Variants in PRTG observed in about 807,000 individuals in gnomAD.
PRTG encodes immunoglobulin superfamily, DCC subclass, member 5.
A neutral mutation model predicts 122.5 loss-of-function variants in PRTG; 67 were observed. The observed-to-expected ratio is 0.55, with a 90% CI of 0.45 to 0.67. The LOEUF (loss-of-function observed/expected upper bound fraction) is 0.67, where lower values mean the gene tolerates loss of function less well. Ranked by LOEUF, PRTG falls within the 30% of genes least tolerant of loss-of-function variation. PRTG has a pLI of 0.00. For missense variants in PRTG, 1,435 were observed against 1,415.4 expected (o/e 1.01, Z -0.22); for synonymous variants, 554 against 501.1 (o/e 1.11, Z -1.41).
intron 2 of PRTG, among the ~76,000 whole-genome samples, chr15:55,707,028 A>C (rs566193506): frequency 1.3e-5 from 2 of 152,308 alleles, no homozygotes; most frequent in South Asian, 4.1e-4. Flanking sequence ...CTTTACTTTA[A>C]AATTTGAGAA....
At position 55,624,597 on chromosome 15, in the gene PRTG, C is replaced by T. The variant is rs532491221; in HGVS notation, c.2928-90G>A. ...TGGCCTATCAACAAAACTTTGTAAG[C>T]AATGCAGTTCTTTAATACCCATTTC... On this transcript the variant is annotated intron_variant, in intron 17 of 19. Coordinates refer to ENST00000389286, the MANE Select transcript of PRTG (RefSeq NM_173814.6). The T allele has an allele frequency of 5.1e-5, 52 of 1,017,574 alleles. No individual in the cohort carries two copies. In the East Asian group the frequency reaches 1.3e-3, roughly 26 times the overall value. 63.0% of individuals were successfully genotyped at this position (1,017,574 alleles called of 1,614,324 possible). A position where few individuals can be genotyped will look rare whatever the true frequency, so the allele number is the denominator to read the frequency against.
chr15:55,657,643 T>C (rs1257408783), intron 11 of PRTG, among the ~76,000 whole-genome samples: 2 of 152,214 alleles, frequency 1.3e-5, no homozygotes, highest in Non-Finnish European at 2.9e-5. Flanking sequence ...CTTCTTCTGA[T>C]AATTAAAATA....
intron 2 of PRTG, among the ~76,000 whole-genome samples, chr15:55,723,581 A>G (rs1364731422): frequency 6.6e-6 from 1 of 152,020 alleles, no homozygotes; most frequent in Non-Finnish European, 1.5e-5. Context: ...CACCTACAAA[A>G]CTTGATGGAT....
Position 55,617,306 on chromosome 15 carries a change from T to C in PRTG, c.*2706A>G, listed in dbSNP as rs2059145908. 1 of 152,112 alleles carries C rather than the reference T, an allele frequency of 6.6e-6. No individual in the cohort carries two copies. The highest frequency in any genetic ancestry group is 6.6e-5 in the Admixed American group (1 of 15,256). The allele number at this position is 152,112 out of a possible 1,614,324, so 9.4% of individuals were successfully genotyped here. ...ACTGTATAGTTGAAGATTTACTTGCTGAAGAAAAAACTATACCTGAAATTC... is the reference window on the plus strand; with the variant it reads ...ACTGTATAGTTGAAGATTTACTTGCCGAAGAAAAAACTATACCTGAAATTC... On this transcript the variant is annotated 3_prime_UTR_variant, in exon 20 of 20. Transcript: ENST00000389286.
chr15:55,737,275 C>T (rs778778748), intron 2 of PRTG, among the ~76,000 whole-genome samples: 32 of 152,218 alleles, frequency 2.1e-4, no homozygotes, highest in African/African-American at 3.6e-4. Flanking sequence ...GCCGCTAACA[C>T]GGCTATTAAT....
intron 2 of PRTG, among the ~76,000 whole-genome samples, chr15:55,688,279 T>A (rs1462153060): frequency 6.6e-6 from 1 of 152,204 alleles, no homozygotes; most frequent in Non-Finnish European, 1.5e-5. Context: ...CTCCTTGTTC[T>A]CCTTTTATTG....
chr15:55,611,961 A>G lies in PRTG; in HGVS notation c.*8051T>C, dbSNP rs1312267703. The G allele has an allele frequency of 6.6e-6, 1 of 152,076 alleles. No individual in the cohort carries two copies. The highest frequency in any genetic ancestry group is 1.5e-5 in the Non-Finnish European group (1 of 67,966). 9.4% of individuals were successfully genotyped at this position (152,076 alleles called of 1,614,324 possible). ...TGAAAGGATCCAGAACACCCATAAT[A>G]CAAAATAATTTAACTGGCTCCCACA... On this transcript the variant is annotated 3_prime_UTR_variant, in exon 20 of 20. Coordinates refer to ENST00000389286, the MANE Select transcript of PRTG (RefSeq NM_173814.6).
In PRTG at chr15:55,641,166, T is replaced by C. The variant is rs768816887; in HGVS notation, c.2084A>G (p.Asn695Ser). 18 of 1,614,008 alleles carry C rather than the reference T, an allele frequency of 1.1e-5. 1 individual carries two copies. The South Asian group carries it at 1.8e-4, about 16-fold the overall frequency. The change falls in exon 12 of 20, where the codon AAC becomes AGC. Residue 695 changes from asparagine to serine, a missense_variant. Asn to Ser is a conservative substitution (Grantham distance 46). Coordinates refer to ENST00000389286, the MANE Select transcript of PRTG (RefSeq NM_173814.6). ...ATCTGCCTGATAGCCATCGTCTATG[T>C]TGTTGTAAGCCAGGAGTCTCACATG... ...KYHVRLLAYN[N>S]IDDGYQADQT...
At position 55,619,950 on chromosome 15, in the gene PRTG, C is replaced by A; in HGVS notation, c.*62G>T. ...GAAGTCTGCTCACTAACAGATGACACAGCAGGGTCTTCACACTTCCTCAAT... is the reference window on the plus strand; with the variant it reads ...GAAGTCTGCTCACTAACAGATGACAAAGCAGGGTCTTCACACTTCCTCAAT... On this transcript the variant is annotated 3_prime_UTR_variant, in exon 20 of 20. Coordinates refer to ENST00000389286, the MANE Select transcript of PRTG (RefSeq NM_173814.6). 6.3e-7 allele frequency: 1 copy of A among 1,595,014 alleles called. No homozygotes were observed. The highest frequency in any genetic ancestry group is 8.5e-7 in the Non-Finnish European group (1 of 1,170,560).
rs1555436919 is a variant in PRTG at position 55,723,755 on chromosome 15, T to TC, written c.397+16626_397+16627insG. Among the ~76,000 whole-genome samples the TC allele has an allele frequency of 1.2e-3, 166 of 142,664 alleles. 2 individuals carry two copies. The highest frequency in any genetic ancestry group is 5.6e-4 in the Non-Finnish European group (37 of 66,124). 93.6% of individuals were successfully genotyped at this position (142,664 alleles called of 152,430 possible). A position where few individuals can be genotyped will look rare whatever the true frequency, so the allele number is the denominator to read the frequency against. ...TAGCCATATTCTTTTCTTTTTTCTT[T>TC]TTTTTTTTTTTTTTGAGTTGGAGTC... On this transcript the variant is annotated intron_variant, in intron 2 of 19. Transcript: ENST00000389286.
In PRTG at chr15:55,743,040, C is replaced by G; in HGVS notation, c.-109G>C. On this transcript the variant is annotated 5_prime_UTR_variant, in exon 1 of 20. Transcript: ENST00000389286. ...GCGGCTGGTCGCACGCAGCCTGGCT[C>G]CCCGCTCCGGCTCCGGCACCGGCGT... 1 of 1,312,932 alleles carries G rather than the reference C, an allele frequency of 7.6e-7. No homozygotes were observed. The highest frequency in any genetic ancestry group is 9.7e-7 in the Non-Finnish European group (1 of 1,035,224). The allele number at this position is 1,312,932 out of a possible 1,614,324, so 81.3% of individuals were successfully genotyped here. A position where few individuals can be genotyped will look rare whatever the true frequency, so the allele number is the denominator to read the frequency against.
chr15:55,717,508 GA>G (rs1251685438), intron 2 of PRTG, among the ~76,000 whole-genome samples: 14 of 152,202 alleles, frequency 9.2e-5, no homozygotes, highest in Non-Finnish European at 1.5e-4. Context: ...TCCAAAGAAA[GA>G]AAGTTATGAC....
intron 8 of PRTG, among the ~76,000 whole-genome samples, chr15:55,676,598 C>G (rs1013545444): frequency 3.3e-5 from 5 of 152,176 alleles, no homozygotes; most frequent in Admixed American, 6.5e-5. Flanking sequence ...CATTTCACAA[C>G]AGACTGGCTA....
At chr15:55,699,294 C>T (rs1216039268) in intron 2 of PRTG, among the ~76,000 whole-genome samples, 1 of 151,990 alleles carries the variant, frequency 6.6e-6, no homozygotes, top group Non-Finnish European at 1.5e-5. Context: ...TATTTTCCCC[C>T]ACCTTTCCAC....
chr15:55,631,198 G>C lies in PRTG; in HGVS notation c.2624-2194C>G, dbSNP rs567085279. Among the ~76,000 whole-genome samples, 6 of 152,190 alleles carry C rather than the reference G, an allele frequency of 3.9e-5. No homozygotes were observed. In the East Asian group the frequency reaches 1.2e-3, roughly 29 times the overall value. On this transcript the variant is annotated intron_variant, in intron 15 of 19. Coordinates refer to ENST00000389286, the MANE Select transcript of PRTG (RefSeq NM_173814.6). ...TGACCCCTATTTAGAATCAGGAAGA[G>C]TCTTTCCACTGTTGCTATGTTTTTA...
chr15:55,724,239 G>A (rs1274585411), intron 2 of PRTG, among the ~76,000 whole-genome samples: 2 of 152,076 alleles, frequency 1.3e-5, no homozygotes, highest in Non-Finnish European at 2.9e-5. Flanking sequence ...TTGATCTTTT[G>A]CGTAGATGTT....
chr15:55,654,177 C>T (rs1245221169), intron 11 of PRTG, among the ~76,000 whole-genome samples: 1 of 152,168 alleles, frequency 6.6e-6, no homozygotes, highest in Non-Finnish European at 1.5e-5. Flanking sequence ...AGGAACCTCA[C>T]TGGCCCCATT....
In PRTG at chr15:55,624,352, A is replaced by G. The variant is rs367975903; in HGVS notation, c.3083T>C (p.Ile1028Thr). 8.4e-5 allele frequency: 136 copies of G among 1,613,880 alleles called. No individual in the cohort carries two copies. The highest frequency in any genetic ancestry group is 3.9e-4 in the African/African-American group (29 of 74,912). ...CCCGCAGCTCAGTACCTTTGCATCAATGAAGCTGTTTGGCATGATCATTGG... is the reference window on the plus strand; with the variant it reads ...CCCGCAGCTCAGTACCTTTGCATCAGTGAAGCTGTTTGGCATGATCATTGG... ...LMPMIMPNSFIDAKGGTDLII... is the reference protein window; with the variant it reads ...LMPMIMPNSFTDAKGGTDLII... The change falls in exon 18 of 20, where the codon ATT (isoleucine) becomes ACT (threonine). Residue 1028 changes from isoleucine to threonine, a missense_variant. By Grantham distance (89) the Ile-to-Thr change is moderately conservative (BLOSUM62 -1). Transcript: ENST00000389286.
At chr15:55,632,904 C>A (rs2141723609) in intron 15 of PRTG, among the ~76,000 whole-genome samples, 1 of 152,268 alleles carries the variant, frequency 6.6e-6, no homozygotes, top group Middle Eastern at 3.4e-3. Context: ...AGTCATCACT[C>A]AGTAAGAATT....
Sources: allele counts gnomAD v4.1 joint callset (sites outside exome capture counted in the v4.1 genomes callset), GRCh38; gene constraint gnomAD v4.1.1; transcripts MANE v1.5; gene names NCBI Gene and HGNC (gene_info 2026-07-23, HGNC 2026-07-21).